PTPRD: variants seen among roughly 807,000 people sequenced by gnomAD.
PTPRD encodes the protein receptor-type tyrosine-protein phosphatase delta.
Under a neutral mutation model 214.5 loss-of-function variants are expected in PTPRD, and 34 were observed. That is an observed-to-expected ratio of 0.16 (90% CI 0.12 to 0.21). The LOEUF is 0.21. Ranked by LOEUF, PTPRD falls within the 10% of genes least tolerant of loss-of-function variation. PTPRD has a pLI of 1.00. For synonymous variants in PTPRD, 1,128 were observed against 845.7 expected (o/e 1.33, Z -5.79); for missense variants, 2,545 against 2,398.7 (o/e 1.06, Z -1.27).
chr9:10,358,579 C>CA (rs2097320421), intron 2 of PTPRD, among the ~76,000 whole-genome samples: 1 of 151,800 alleles, frequency 6.6e-6, no homozygotes, highest in South Asian at 2.1e-4. Flanking sequence ...GCATCACATT[C>CA]AAAATAGCAA....
chr9:9,008,890 G>A (rs1242981345), intron 11 of PTPRD, among the ~76,000 whole-genome samples: 1 of 152,000 alleles, frequency 6.6e-6, no homozygotes, highest in Non-Finnish European at 1.5e-5. Context: ...TAAAGCATAA[G>A]GACAATTTTG....
chr9:10,269,218 G>A (rs920594235), intron 3 of PTPRD, among the ~76,000 whole-genome samples: 1 of 152,164 alleles, frequency 6.6e-6, no homozygotes, highest in Non-Finnish European at 1.5e-5. Context: ...ACTCTTGTAA[G>A]AAGTCTAATG....
At chr9:10,088,700 T>C (rs1490648250) in intron 3 of PTPRD, among the ~76,000 whole-genome samples, 5 of 151,758 alleles carry the variant, frequency 3.3e-5, no homozygotes, top group Admixed American at 2.6e-4. Context: ...AGTTTCCTTG[T>C]TTATAAAATA....
chr9:10,576,967 AC>A (rs1326619631), intron 2 of PTPRD, among the ~76,000 whole-genome samples: 1 of 49,174 alleles, frequency 2.0e-5, no homozygotes, highest in African/African-American at 1.1e-4. Context: ...TTTTATTTCT[AC>A]TTTTTTTTTT....
intron 5 of PTPRD, among the ~76,000 whole-genome samples, chr9:9,848,565 C>T (rs192001268): frequency 2.0e-5 from 3 of 152,204 alleles, no homozygotes; most frequent in Admixed American, 1.3e-4. Flanking sequence ...ATATGACAGC[C>T]TTTAAGTGGT....
At position 10,034,407 on chromosome 9, in the gene PTPRD, C is replaced by T. The variant is rs13302734; in HGVS notation, c.-544-617G>A. On this transcript the variant is annotated intron_variant, in intron 3 of 45. Coordinates refer to ENST00000381196, the MANE Select transcript of PTPRD (RefSeq NM_002839.4). ...CACTCTGTCTCAGCTCCTGGCTCTACTTTTTTTTTTTTTTTTTTTTTTTTA... is the reference window on the plus strand; with the variant it reads ...CACTCTGTCTCAGCTCCTGGCTCTATTTTTTTTTTTTTTTTTTTTTTTTTA... 8.6e-4 allele frequency among the ~76,000 whole-genome samples: 77 copies of T among 89,522 alleles called. 2 individuals carry two copies. The highest frequency in any genetic ancestry group is 1.7e-3 in the East Asian group (4 of 2,402). The allele number at this position is 89,522 out of a possible 152,430, so 58.7% of individuals were successfully genotyped here.
intron 3 of PTPRD, among the ~76,000 whole-genome samples, chr9:10,136,255 G>A (rs1581733): frequency 0.24 from 36,912 of 151,950 alleles, 4,739 homozygotes; most frequent in South Asian, 0.39. Context: ...TTGGACTGCA[G>A]TAAGATTTAG....
intron 2 of PTPRD, among the ~76,000 whole-genome samples, chr9:10,544,769 G>C (rs980367103): frequency 2.0e-5 from 3 of 152,112 alleles, no homozygotes; most frequent in Non-Finnish European, 4.4e-5. Context: ...AATAGCCAAA[G>C]TCTTGAGTAT....
intron 11 of PTPRD, among the ~76,000 whole-genome samples, chr9:8,780,993 T>A (rs373331855): frequency 6.6e-5 from 10 of 152,194 alleles, no homozygotes; most frequent in African/African-American, 2.4e-4. Context: ...CCAGGGGAGC[T>A]ATTACACTCT....
intron 9 of PTPRD, among the ~76,000 whole-genome samples, chr9:9,283,596 A>G (rs933943903): frequency 1.3e-5 from 2 of 151,572 alleles, no homozygotes; most frequent in African/African-American, 4.8e-5. Context: ...TCTGCTTAGT[A>G]TAAGTCTGCA....
intron 3 of PTPRD, among the ~76,000 whole-genome samples, chr9:10,053,462 T>C (rs1267754909): frequency 2.0e-5 from 3 of 152,162 alleles, no homozygotes; most frequent in Admixed American, 2.0e-4. Context: ...ACGTGAAATG[T>C]GATGTATTGT....
intron 7 of PTPRD, among the ~76,000 whole-genome samples, chr9:9,713,767 C>A (rs1282359195): frequency 6.6e-6 from 1 of 152,090 alleles, no homozygotes; most frequent in Non-Finnish European, 1.5e-5. Flanking sequence ...TAGAACTAAT[C>A]TTCAGCATGA....
chr9:10,096,982 T>G (rs1347437320), intron 3 of PTPRD, among the ~76,000 whole-genome samples: 1 of 152,012 alleles, frequency 6.6e-6, no homozygotes, highest in Non-Finnish European at 1.5e-5. Flanking sequence ...CAGCACCATT[T>G]ATTAAATAGG....
chr9:9,751,698 A>G (rs974857046), intron 6 of PTPRD, among the ~76,000 whole-genome samples: 2 of 152,100 alleles, frequency 1.3e-5, no homozygotes, highest in Non-Finnish European at 2.9e-5. Flanking sequence ...GGAATGATAT[A>G]TCTACTAGTC....
intron 3 of PTPRD, among the ~76,000 whole-genome samples, chr9:10,155,202 G>T (rs1180342581): frequency 1.3e-5 from 2 of 151,910 alleles, no homozygotes; most frequent in Admixed American, 6.6e-5. Flanking sequence ...TACTCTTTTT[G>T]TGGCAATTTT....
At chr9:8,429,601 A>T (rs1451656341) in intron 35 of PTPRD, among the ~76,000 whole-genome samples, 1 of 152,186 alleles carries the variant, frequency 6.6e-6, no homozygotes, top group Non-Finnish European at 1.5e-5. Context: ...CAGGGCTCTG[A>T]TATCTGAAAT....
chr9:9,224,157 G>T (rs1026470007), intron 9 of PTPRD, among the ~76,000 whole-genome samples: 1 of 151,944 alleles, frequency 6.6e-6, no homozygotes, highest in Admixed American at 6.6e-5. Flanking sequence ...AGAGAGACAG[G>T]CAGCTACAGT....
intron 9 of PTPRD, among the ~76,000 whole-genome samples, chr9:9,252,914 T>G (rs541070076): frequency 6.6e-6 from 1 of 152,032 alleles, no homozygotes; most frequent in East Asian, 1.9e-4. Context: ...CACTTTCTTT[T>G]TAAAAGAAAT....
At chr9:8,371,034 G>A (rs1443026835) in intron 39 of PTPRD, among the ~76,000 whole-genome samples, 1 of 152,054 alleles carries the variant, frequency 6.6e-6, no homozygotes, top group African/African-American at 2.4e-5. Flanking sequence ...TTGAATAAGT[G>A]CTCAACTATC....
Sources: allele counts gnomAD v4.1 joint callset (sites outside exome capture counted in the v4.1 genomes callset), GRCh38; gene constraint gnomAD v4.1.1; transcripts MANE v1.5; gene names NCBI Gene and HGNC (gene_info 2026-07-23, HGNC 2026-07-21).